The following TCP1 variants were observed in gnomAD, a reference collection of about 807,000 sequenced individuals.
TCP1 encodes the protein t-complex 1.
TCP1 carries 6 observed loss-of-function variants against 54.7 expected under a neutral mutation model. The ratio of observed to expected loss-of-function variants is 0.11; its 90% CI spans 0.06 to 0.22. TCP1 has a LOEUF of 0.22. Among genes scored for constraint, TCP1 ranks in the 10% least tolerant of loss-of-function variants. TCP1 has a pLI of 1.00. For synonymous variants in TCP1, 225 were observed against 229.7 expected, an observed-to-expected ratio of 0.98 and a Z score of 0.19; for missense variants, 511 against 678.2, an observed-to-expected ratio of 0.75 and a Z score of 2.74.
intron 6 of TCP1, among the ~76,000 whole-genome samples, 172 bp downstream of exon 6, chr6:159,784,494 T>C (rs1181549570): frequency 6.6e-6 from 1 of 152,054 alleles, no homozygotes; most frequent in Non-Finnish European, 1.5e-5. Context: ...TTAGTAGAGA[T>C]GAGGTTTCAC....
At chr6:159,786,699 G>C (rs1404586290) in intron 3 of TCP1, among the ~76,000 whole-genome samples, 1 of 152,158 alleles carries the variant, frequency 6.6e-6, no homozygotes, top group Non-Finnish European at 1.5e-5. Context: ...TTTAGGAGTA[G>C]ATTCCATTCT....
rs1469806335 is a variant in TCP1, at chr6:159,785,964, C to T, written c.313G>A (p.Asp105Asn). The T allele has an allele frequency of 1.2e-6, 2 of 1,613,922 alleles. No homozygotes were observed. Among genetic ancestry groups the T allele is most frequent in the African/African-American group, 1.3e-5 (1 of 75,036 alleles). ...IIAAELLKNA[D>N]ELVKQKIHPT... ...TGAATTTTCTGTTTGACTAATTCAT[C>T]TGCATTTTTTAGGAGTTCTGCTGCA... The change falls in exon 4 of 12, where the codon GAT (aspartate) becomes AAT (asparagine). Residue 105 changes from aspartate to asparagine, a missense_variant. Asp to Asn is a conservative substitution (Grantham distance 23). Around this residue, in one of 5 missense-constraint regions of TCP1, gnomAD observed 54 missense variants for 111.8 expected, o/e 0.48. Transcript: ENST00000321394.
chr6:159,784,310 T>A (rs1007812554), intron 6 of TCP1, among the ~76,000 whole-genome samples: 1 of 150,826 alleles, frequency 6.6e-6, no homozygotes, highest in South Asian at 2.1e-4. Context: ...ATTTTTTATT[T>A]TTTTTTTTTT....
At chr6:159,786,311 A>C (rs966445763) in intron 3 of TCP1, among the ~76,000 whole-genome samples, 1 of 152,200 alleles carries the variant, frequency 6.6e-6, no homozygotes, top group African/African-American at 2.4e-5. Context: ...CTTTCCTCTT[A>C]AAGTCAGTTT....
chr6:159,780,068 C>G lies in TCP1; in HGVS notation c.1117G>C (p.Ala373Pro). 6.2e-7 allele frequency: 1 copy of G among 1,614,078 alleles called. No homozygotes were observed. The highest frequency in any genetic ancestry group is 1.1e-5 in the South Asian group (1 of 91,080). The change falls in exon 10 of 12, where the codon GCA becomes CCA. Residue 373 changes from alanine to proline, a missense_variant. Transcript: ENST00000321394. ...LIKNTKARTS[A>P]SIILRGANDF... ...TTTGCCCCACGTAAGATAATCGATG[C>G]AGACGTACGAGCCTTAGTACTGTTC... is the stretch of plus-strand genomic sequence containing the variant.
Position 159,780,931 on chromosome 6 carries a change from A to C in TCP1, c.973+4T>G. On this transcript the variant is annotated splice_donor_region_variant and intron_variant, in intron 8 of 11. Transcript: ENST00000321394. Reference sequence around the variant, plus strand: ...TTTTATGTGACAGCCAGCACAAGACATACCTCCAGAAGCTTTGGCAATGCG... The same window carrying C: ...TTTTATGTGACAGCCAGCACAAGACCTACCTCCAGAAGCTTTGGCAATGCG... 1 of 1,597,214 alleles carries C rather than the reference A, an allele frequency of 6.3e-7. No homozygotes were observed. Among genetic ancestry groups the C allele is most frequent in the South Asian group, 1.1e-5 (1 of 87,940 alleles).
chr6:159,784,467 G>A (rs1780647635), intron 6 of TCP1, among the ~76,000 whole-genome samples, 199 bp downstream of exon 6: 1 of 151,932 alleles, frequency 6.6e-6, no homozygotes, highest in Non-Finnish European at 1.5e-5. Flanking sequence ...ACCATGCCCA[G>A]CTAATTTTTG....
At chr6:159,787,537 A>T (rs1780727988) in intron 3 of TCP1, among the ~76,000 whole-genome samples, 2 of 152,214 alleles carry the variant, frequency 1.3e-5, no homozygotes, top group South Asian at 2.1e-4. Flanking sequence ...TCAACTTACA[A>T]ATTTTGTTTC....
intron 3 of TCP1, 63 bp downstream of exon 3, chr6:159,787,680 C>T (rs1780731245): frequency 1.9e-6 from 3 of 1,579,666 alleles, no homozygotes; most frequent in Non-Finnish European, 1.7e-6. Flanking sequence ...CCACTTATGG[C>T]TTCAACTTTC....
chr6:159,788,275 T>C, intron 1 of TCP1, 132 bp from the exon 2 acceptor site: 1 of 846,042 alleles, frequency 1.2e-6, no homozygotes, highest in Non-Finnish European at 1.8e-6. Context: ...CTGTGTTAAT[T>C]ATTTAAAAAC....
At chr6:159,788,929 G>C (rs187792795) in intron 1 of TCP1, 1 of 157,740 alleles carries the variant, frequency 6.3e-6, no homozygotes, top group Non-Finnish European at 1.4e-5. Flanking sequence ...CTGGACGCCG[G>C]ACGCCCGACC....
chr6:159,784,628 T>C (rs1315009337), intron 6 of TCP1, 38 bp downstream of exon 6: 1 of 1,597,788 alleles, frequency 6.3e-7, no homozygotes, highest in African/African-American at 1.3e-5. Flanking sequence ...TTTTAATCTG[T>C]AGCAATCTCA....
At chr6:159,780,359 A>G in intron 9 of TCP1, 84 bp downstream of exon 9, 2 of 1,596,088 alleles carry the variant, frequency 1.3e-6, no homozygotes, top group South Asian at 1.1e-5. Context: ...CTGTGAGACT[A>G]CAAGCAGCAA....
intron 7 of TCP1, among the ~76,000 whole-genome samples, chr6:159,782,320 C>T (rs998752163): frequency 1.3e-5 from 2 of 152,194 alleles, no homozygotes; most frequent in African/African-American, 2.4e-5. Flanking sequence ...TAAACAAGTA[C>T]TGTGTGCTAC....
At chr6:159,785,194 TGCGCACACACGCACCCAC>T (rs1780665116) in intron 5 of TCP1, 174 bp downstream of exon 5, 1 of 616,490 alleles carries the variant, frequency 1.6e-6, no homozygotes, top group Non-Finnish European at 2.9e-6. Context: ...GCGCAACACA[TGCGCACACACGCACCCAC>T]TCCCGAGACA....
intron 3 of TCP1, 169 bp from the exon 4 acceptor site, chr6:159,786,166 C>A (rs1418068099): frequency 2.2e-5 from 12 of 552,242 alleles, no homozygotes; most frequent in African/African-American, 2.1e-4. Flanking sequence ...CTACAAAACA[C>A]TCCAAGTCCT....
chr6:159,784,075 T>C lies in TCP1; in HGVS notation c.671-8A>G, dbSNP rs201232094. On this transcript the variant is annotated splice_region_variant and splice_polypyrimidine_tract_variant and intron_variant, in intron 6 of 11. Coordinates refer to ENST00000321394, the MANE Select transcript of TCP1 (RefSeq NM_030752.3). ...CGATTCTCTTGGGCATGCCTACAAT[T>C]GAACATAAGATTAAGTTAATACGTC... The C allele has an allele frequency of 1.2e-6, 2 of 1,611,600 alleles. No homozygotes were observed. The highest frequency in any genetic ancestry group is 1.3e-5 in the African/African-American group (1 of 74,738).
intron 1 of TCP1, chr6:159,789,165 C>T (rs1780782964): frequency 3.9e-6 from 2 of 519,170 alleles, no homozygotes; most frequent in African/African-American, 2.0e-5. Flanking sequence ...CCGGACACCA[C>T]ATCCACGCGT....
rs773292114 is a variant in TCP1 at position 159,779,783 on chromosome 6, C to T, written c.1298G>A (p.Arg433Gln). 9.4e-6 allele frequency: 15 copies of T among 1,595,464 alleles called. No homozygotes were observed. Among genetic ancestry groups the T allele is most frequent in the Non-Finnish European group, 1.2e-5 (14 of 1,175,118 alleles). ...AAACTCTGCAATCGCAAGCTGTTCC[C>T]GAGACCCCTAGGAAAAGAAGAAAAT... ...LENYATSMGS[R>Q]EQLAIAEFAR... The change falls in exon 11 of 12, where the codon CGG (arginine) becomes CAG (glutamine). Residue 433 changes from arginine (R) to glutamine (Q), a missense_variant. This residue lies in a region of TCP1 where 88 missense variants were observed against 153.1 expected (regional missense o/e 0.57). Transcript: ENST00000321394.
Sources: gnomAD v4.1 joint callset for allele counts (sites outside exome capture counted in the v4.1 genomes callset) on GRCh38, gnomAD v4.1.1 for gene constraint, gnomAD v4.1.1 regional missense constraint, MANE v1.5 for transcripts, NCBI Gene and HGNC (gene_info 2026-07-23, HGNC 2026-07-21) for gene names.